Variants in ADARB1 observed in about 807,000 individuals in gnomAD.
ADARB1 encodes the protein adenosine deaminase RNA specific B1.
A neutral mutation model predicts 52.4 loss-of-function variants in ADARB1; 10 were observed. The observed-to-expected ratio is 0.19, with a 90% CI of 0.12 to 0.32. The LOEUF is 0.32. Ranked by LOEUF, ADARB1 falls within the 10% of genes least tolerant of loss-of-function variation. ADARB1 has a pLI of 1.00. For missense variants in ADARB1, 643 were observed against 922.3 expected (o/e 0.70, Z 3.92); for synonymous variants, 349 against 371.1 (o/e 0.94, Z 0.68).
chr21:45,116,755 C>CT (rs2087848854), intron 1 of ADARB1, among the ~76,000 whole-genome samples: 1 of 152,180 alleles, frequency 6.6e-6, no homozygotes, highest in Non-Finnish European at 1.5e-5. Flanking sequence ...AACTCACTCA[C>CT]TATCACGAAA....
intron 2 of ADARB1, among the ~76,000 whole-genome samples, chr21:45,140,351 G>A (rs2089653852): frequency 6.6e-6 from 1 of 152,186 alleles, no homozygotes. Context: ...CAGGGCCCAG[G>A]GCGACCTTGT....
At chr21:45,185,119 C>T in intron 8 of ADARB1, 28 bp downstream of exon 8, 2 of 1,607,842 alleles carry the variant, frequency 1.2e-6, no homozygotes, top group South Asian at 1.1e-5. Flanking sequence ...CCTGTGGCCA[C>T]CTCCCTGCAC....
intron 1 of ADARB1, chr21:45,118,645 T>G (rs1470158889): frequency 6.6e-6 from 1 of 152,234 alleles, no homozygotes; most frequent in Non-Finnish European, 1.5e-5. Context: ...TCTCTCCTTC[T>G]CTCCCTCCCT....
At chr21:45,096,439 G>A (rs1449683924) in intron 1 of ADARB1, among the ~76,000 whole-genome samples, 1 of 152,256 alleles carries the variant, frequency 6.6e-6, no homozygotes, top group African/African-American at 2.4e-5. Context: ...GCAGGTCTGG[G>A]CTGGCTGCTG....
intron 8 of ADARB1, among the ~76,000 whole-genome samples, chr21:45,193,967 T>C (rs375324276): frequency 3.9e-5 from 6 of 152,298 alleles, no homozygotes; most frequent in African/African-American, 1.4e-4. Context: ...TTGGAGAAAT[T>C]GACAAACTGA....
chr21:45,220,398 G>A lies in ADARB1; in HGVS notation c.1748-438G>A, dbSNP rs1222823266. 2.0e-5 allele frequency among the ~76,000 whole-genome samples: 3 copies of A among 152,328 alleles called. No homozygotes were observed. In the East Asian group the frequency reaches 5.8e-4, roughly 29 times the overall value. ...TGCAGGCATGAGCGCCAGAGGTGGT[G>A]TGATACAGGAGCAACCCCCACCTGC... On this transcript the variant is annotated intron_variant, in intron 9 of 10. Transcript: ENST00000348831. The surrounding 1 kb of genome is among the most constrained non-coding windows in gnomAD (Gnocchi z 6.3).
At chr21:45,093,885 C>G (rs2086654977) in intron 1 of ADARB1, among the ~76,000 whole-genome samples, 1 of 152,224 alleles carries the variant, frequency 6.6e-6, no homozygotes, top group Non-Finnish European at 1.5e-5. Context: ...CTGCACAGCA[C>G]ATGGGGGCTC....
intron 5 of ADARB1, among the ~76,000 whole-genome samples, chr21:45,181,892 T>C (rs190130690): frequency 2.8e-4 from 42 of 152,346 alleles, no homozygotes; most frequent in African/African-American, 9.9e-4. Context: ...GAGGACAATT[T>C]ACCTAACAGA....
chr21:45,161,900 A>C (rs1050979274), intron 2 of ADARB1, among the ~76,000 whole-genome samples: 1 of 152,176 alleles, frequency 6.6e-6, no homozygotes, highest in Non-Finnish European at 1.5e-5. Context: ...CTTATGGAGA[A>C]TAGCTGCCCA....
At chr21:45,081,876 G>A (rs1490442150) in intron 1 of ADARB1, among the ~76,000 whole-genome samples, 2 of 152,220 alleles carry the variant, frequency 1.3e-5, no homozygotes, top group African/African-American at 4.8e-5. Context: ...TGTCCAGTCA[G>A]GGGCTAGGAG....
rs549501812 is a variant in ADARB1, at chr21:45,169,497, A to G, written c.-47-2113A>G. Among the ~76,000 whole-genome samples the G allele has an allele frequency of 9.9e-5, 15 of 152,272 alleles. 1 individual carries two copies. The East Asian group carries it at 2.1e-3, about 22-fold the overall frequency. On this transcript the variant is annotated intron_variant, in intron 2 of 10. Transcript: ENST00000348831. Reference sequence around the variant, plus strand: ...GCTTCCTCAGCTCTATGTTGAGAAAATGAAGCAAAAGGAAAATGCAGGGTC... The same window carrying G: ...GCTTCCTCAGCTCTATGTTGAGAAAGTGAAGCAAAAGGAAAATGCAGGGTC...
At chr21:45,179,092 C>A (rs987252211) in intron 4 of ADARB1, among the ~76,000 whole-genome samples, 2 of 152,124 alleles carry the variant, frequency 1.3e-5, no homozygotes, top group Non-Finnish European at 2.9e-5. Flanking sequence ...CTCTGGCACC[C>A]TGGCCAATTG....
intron 1 of ADARB1, among the ~76,000 whole-genome samples, chr21:45,079,340 C>A (rs187302711): frequency 6.6e-6 from 1 of 152,214 alleles, no homozygotes; most frequent in Non-Finnish European, 1.5e-5. Context: ...AATTCATGCA[C>A]TTTCATAAAA....
chr21:45,130,172 CTAAGT>C (rs1278293127), intron 2 of ADARB1, among the ~76,000 whole-genome samples: 1 of 152,182 alleles, frequency 6.6e-6, no homozygotes, highest in Non-Finnish European at 1.5e-5. Flanking sequence ...TTTAATATTG[CTAAGT>C]TAAGTGTCGA....
intron 1 of ADARB1, among the ~76,000 whole-genome samples, chr21:45,112,791 A>T (rs1366879444): frequency 6.6e-6 from 1 of 152,188 alleles, no homozygotes; most frequent in African/African-American, 2.4e-5. Flanking sequence ...AATGACCCCA[A>T]GATGACATGT....
At chr21:45,093,617 A>G (rs2123694993) in intron 1 of ADARB1, among the ~76,000 whole-genome samples, 1 of 152,302 alleles carries the variant, frequency 6.6e-6, no homozygotes, top group African/African-American at 2.4e-5. Flanking sequence ...TCTCTCAGGA[A>G]GAGGCCCTTT....
chr21:45,097,620 A>G (rs919092697), intron 1 of ADARB1, among the ~76,000 whole-genome samples: 2 of 151,988 alleles, frequency 1.3e-5, no homozygotes, highest in Admixed American at 1.3e-4. Flanking sequence ...CAAGGTTCTG[A>G]GGATGCCTGG....
chr21:45,183,020 G>A (rs748057285), intron 6 of ADARB1, among the ~76,000 whole-genome samples: 18 of 152,290 alleles, frequency 1.2e-4, no homozygotes, highest in Non-Finnish European at 2.4e-4. Flanking sequence ...ATAAATAGAA[G>A]TTCCCAAACT....
intron 9 of ADARB1, among the ~76,000 whole-genome samples, chr21:45,212,902 G>A (rs772864863): frequency 1.3e-5 from 2 of 152,210 alleles, no homozygotes; most frequent in African/African-American, 2.4e-5. Flanking sequence ...TTATTAGTAT[G>A]TTATTTAGTA....
Sources: gnomAD v4.1 joint callset for allele counts (sites outside exome capture counted in the v4.1 genomes callset) on GRCh38, gnomAD v4.1.1 for gene constraint, Gnocchi (gnomAD v3.1) non-coding constraint, MANE v1.5 for transcripts, NCBI Gene and HGNC (gene_info 2026-07-23, HGNC 2026-07-21) for gene names.